SPNS3: variants seen among roughly 807,000 people sequenced by gnomAD.
SPNS3 encodes SPNS lysolipid transporter 3, sphingosine-1-phosphate (putative).
Under a neutral mutation model 54.4 loss-of-function variants are expected in SPNS3, and 51 were observed. That is an observed-to-expected ratio of 0.94 (90% CI 0.75 to 1.18). The LOEUF is 1.18. SPNS3 is among the 50% of genes most tolerant of loss of function. The probability of loss-of-function intolerance (pLI) is 0.00; values close to 1 mark genes in which losing one functional copy is unlikely to be tolerated. For missense variants in SPNS3, 669 were observed against 677.4 expected, an observed-to-expected ratio of 0.99 and a Z score of 0.14; for synonymous variants, 309 against 294.7, an observed-to-expected ratio of 1.05 and a Z score of -0.50.
Position 4,462,802 on chromosome 17 carries a change from CACCA to C in SPNS3, c.1113+9599_1113+9602del, listed in dbSNP as rs1465047665. 3.3e-3 allele frequency among the ~76,000 whole-genome samples: 422 copies of C among 129,454 alleles called. 25 individuals are homozygous for C. The highest frequency in any genetic ancestry group is 0.014 in the African/African-American group (385 of 26,728). The allele number at this position is 129,454 out of a possible 152,430, so 84.9% of individuals were successfully genotyped here. On this transcript the variant is annotated intron_variant, in intron 8 of 11. Transcript: ENST00000355530. ...CCATCCATCCATCCATCCATCCATCCACCAATCTATCCATCCATCCATCCATCCA... is the reference window on the plus strand; with the variant it reads ...CCATCCATCCATCCATCCATCCATCCATCTATCCATCCATCCATCCATCCA...
rs748351272 is a variant in SPNS3, at chr17:4,486,592, C to T, written c.1450+9C>T. The T allele has an allele frequency of 1.6e-5, 25 of 1,604,366 alleles. No homozygotes were observed. The highest frequency in any genetic ancestry group is 2.0e-5 in the Non-Finnish European group (23 of 1,174,314). ...CTGGCAGCCTGTCACAGGTACCCTA[C>T]CCATTGCACCAGGCCCGGCTCAGGG... On this transcript the variant is annotated intron_variant, in intron 11 of 11. Transcript: ENST00000355530. The surrounding 1 kb of genome is among the most constrained non-coding windows in gnomAD (Gnocchi z 5.5).
In SPNS3 at chr17:4,451,413, A is replaced by G. The variant is rs144108025; in HGVS notation, c.924-1603A>G. Reference sequence around the variant, plus strand: ...ACTACAGGCGCACACCACCACGCCCAGCTAATTTTTGTACTTTTGGTAGAG... The same window carrying G: ...ACTACAGGCGCACACCACCACGCCCGGCTAATTTTTGTACTTTTGGTAGAG... On this transcript the variant is annotated intron_variant, in intron 7 of 11. Transcript: ENST00000355530. Among the ~76,000 whole-genome samples the G allele has an allele frequency of 8.2e-3, 1,241 of 151,294 alleles. 21 individuals are homozygous for G. The highest frequency in any genetic ancestry group is 0.028 in the African/African-American group (1,163 of 41,204).
At chr17:4,475,889 G>A (rs167986) in intron 8 of SPNS3, among the ~76,000 whole-genome samples, 43,028 of 152,206 alleles carry the variant, frequency 0.28, 6,115 homozygotes, top group Middle Eastern at 0.45. Flanking sequence ...GACCCAGCAT[G>A]CACTGGCCTG....
Position 4,452,993 on chromosome 17 carries a change from C to A in SPNS3, c.924-23C>A, listed in dbSNP as rs370075763. 312 of 1,604,144 alleles carry A rather than the reference C, an allele frequency of 1.9e-4. 1 individual carries two copies. The highest frequency in any genetic ancestry group is 1.0e-4 in the Admixed American group (6 of 59,522). On this transcript the variant is annotated intron_variant, in intron 7 of 11. Transcript: ENST00000355530. ...TGCTAAGCTCACCCAGCTGACCAAC[C>A]CTTCTGTGCTCTTCCCCATCAGCCT...
At chr17:4,473,515 G>A (rs1416765517) in intron 8 of SPNS3, among the ~76,000 whole-genome samples, 1 of 151,734 alleles carries the variant, frequency 6.6e-6, no homozygotes, top group Non-Finnish European at 1.5e-5. Flanking sequence ...AGCCACCCGA[G>A]TAGCTGGGAT....
At chr17:4,473,951 T>G (rs1971923021) in intron 8 of SPNS3, among the ~76,000 whole-genome samples, 1 of 152,050 alleles carries the variant, frequency 6.6e-6, no homozygotes, top group Non-Finnish European at 1.5e-5. Flanking sequence ...GACTTGGCCC[T>G]TAGAGAGCCT....
chr17:4,448,014 G>A, intron 5 of SPNS3, 141 bp from the exon 6 acceptor site: 2 of 709,682 alleles, frequency 2.8e-6, no homozygotes, highest in Non-Finnish European at 4.3e-6. Context: ...CCAGCATCCA[G>A]GAATCAGGTC....
intron 7 of SPNS3, among the ~76,000 whole-genome samples, chr17:4,450,993 G>T (rs1211405517): frequency 6.6e-6 from 1 of 151,938 alleles, no homozygotes; most frequent in African/African-American, 2.4e-5. Context: ...AACATGAAGG[G>T]CTTGGTAGCT....
chr17:4,458,534 T>C lies in SPNS3; in HGVS notation c.1113+5329T>C, dbSNP rs1234666815. On this transcript the variant is annotated intron_variant, in intron 8 of 11. Transcript: ENST00000355530. Reference sequence around the variant, plus strand: ...CTTCCTCCCTCCCACCCGCCTTCCTTCCTTCCTTCCTTTCCTTCCTTTCTT... The same window carrying C: ...CTTCCTCCCTCCCACCCGCCTTCCTCCCTTCCTTCCTTTCCTTCCTTTCTT... Among the ~76,000 whole-genome samples, 19 of 102,540 alleles carry C rather than the reference T, an allele frequency of 1.9e-4. No homozygotes were observed. The South Asian group carries it at 2.2e-3, about 12-fold the overall frequency. 67.3% of individuals were successfully genotyped at this position (102,540 alleles called of 152,430 possible).
intron 8 of SPNS3, among the ~76,000 whole-genome samples, chr17:4,460,783 T>G (rs941443905): frequency 1.3e-5 from 2 of 152,096 alleles, no homozygotes; most frequent in African/African-American, 4.8e-5. Context: ...TTGAGGATTT[T>G]TGCACGTACA....
intron 8 of SPNS3, among the ~76,000 whole-genome samples, chr17:4,472,924 G>C (rs908589182): frequency 6.6e-6 from 1 of 151,324 alleles, no homozygotes; most frequent in African/African-American, 2.4e-5. Flanking sequence ...GAATAGCTGG[G>C]ATCACAGGTG....
chr17:4,457,612 T>C (rs1338918931), intron 8 of SPNS3, among the ~76,000 whole-genome samples: 1 of 152,140 alleles, frequency 6.6e-6, no homozygotes, highest in Non-Finnish European at 1.5e-5. Flanking sequence ...CCCAGGCAGA[T>C]GGAGGCCCCA....
chr17:4,481,679 C>T (rs760031072), intron 9 of SPNS3, among the ~76,000 whole-genome samples: 1 of 152,214 alleles, frequency 6.6e-6, no homozygotes, highest in Non-Finnish European at 1.5e-5. Flanking sequence ...TCCTCACTAG[C>T]TGTGTGACCC....
intron 1 of SPNS3, among the ~76,000 whole-genome samples, chr17:4,438,544 C>A (rs1477798805): frequency 6.6e-6 from 1 of 152,234 alleles, no homozygotes; most frequent in East Asian, 1.9e-4. Flanking sequence ...AGGAAACAGA[C>A]CCTGGTGTCT....
At chr17:4,465,438 G>A (rs549845732) in intron 8 of SPNS3, among the ~76,000 whole-genome samples, 1 of 152,172 alleles carries the variant, frequency 6.6e-6, no homozygotes, top group South Asian at 2.1e-4. Context: ...GCAAAGAAAT[G>A]GACTCTAGGC....
At chr17:4,447,545 G>A (rs773030308) in intron 5 of SPNS3, among the ~76,000 whole-genome samples, 5 of 152,356 alleles carry the variant, frequency 3.3e-5, no homozygotes, top group African/African-American at 7.2e-5. Flanking sequence ...GCAGACCACT[G>A]TGGAGCCAGC....
At chr17:4,446,807 G>C (rs574397133) in intron 4 of SPNS3, 89 bp from the exon 5 acceptor site, 30 of 1,236,960 alleles carry the variant, frequency 2.4e-5, no homozygotes, top group East Asian at 1.2e-4. Flanking sequence ...CCTGGGGCGT[G>C]GGGGGGGCAC....
chr17:4,477,766 G>A (rs1007998173), intron 8 of SPNS3, among the ~76,000 whole-genome samples: 1 of 152,044 alleles, frequency 6.6e-6, no homozygotes, highest in African/African-American at 2.4e-5. Flanking sequence ...ACCAGGCCTC[G>A]CCCACCTCCC....
At chr17:4,452,909 GA>G (rs1971203915) in intron 7 of SPNS3, 106 bp from the exon 8 acceptor site, 1 of 1,087,466 alleles carries the variant, frequency 9.2e-7, no homozygotes, top group Non-Finnish European at 1.3e-6. Context: ...GTAGACACCA[GA>G]TCATGCACTT....
Sources: allele counts gnomAD v4.1 joint callset (sites outside exome capture counted in the v4.1 genomes callset), GRCh38; gene constraint gnomAD v4.1.1; non-coding constraint Gnocchi (gnomAD v3.1); transcripts MANE v1.5; gene names NCBI Gene and HGNC (gene_info 2026-07-23, HGNC 2026-07-21).